The following KLF12 variants were observed in gnomAD, a reference collection of about 807,000 sequenced individuals.
The protein encoded by KLF12 is KLF transcription factor 12.
In KLF12, 9 loss-of-function variants were observed where a neutral mutation model predicts 37.8. That is an observed-to-expected ratio of 0.24 (90% CI 0.14 to 0.42). The LOEUF (loss-of-function observed/expected upper bound fraction) is 0.42. Among genes scored for constraint, KLF12 ranks in the 10% least tolerant of loss-of-function variants. The pLI, the probability that KLF12 is intolerant of heterozygous loss-of-function variation, is 1.00. For missense variants in KLF12, 411 were observed against 516.0 expected, an observed-to-expected ratio of 0.80 and a Z score of 1.97; for synonymous variants, 208 against 202.1, an observed-to-expected ratio of 1.03 and a Z score of -0.25.
chr13:74,006,317 C>T (rs536989211), intron 1 of KLF12, among the ~76,000 whole-genome samples: 3 of 152,256 alleles, frequency 2.0e-5, no homozygotes, highest in Non-Finnish European at 4.4e-5. Context: ...GATTCTCTCT[C>T]CCTACAGAGG....
the KLF12 span, among the ~76,000 whole-genome samples, chr13:74,248,179 G>T: frequency 0.033 from 4,953 of 152,216 alleles, 118 homozygotes; most frequent in Middle Eastern, 0.071. Flanking sequence ...TTGTACATCC[G>T]TTTGTCAGTT....
At chr13:74,062,320 T>A (rs911034879) in intron 1 of KLF12, among the ~76,000 whole-genome samples, 1 of 152,222 alleles carries the variant, frequency 6.6e-6, no homozygotes, top group African/African-American at 2.4e-5. Flanking sequence ...TTTGTCTCTA[T>A]TTGGTTGATG....
rs560305700 is a variant in KLF12 at position 73,871,032 on chromosome 13, T to C, written c.124-24659A>G. 3.3e-5 allele frequency among the ~76,000 whole-genome samples: 5 copies of C among 152,350 alleles called. No individual in the cohort carries two copies. In the East Asian group the frequency reaches 7.7e-4, roughly 23 times the overall value. ...GTTGCCTGTCATCCATTGCCACTGC[T>C]TTCTAATCATCTCCCTGAAGCATCA... On this transcript the variant is annotated intron_variant, in intron 3 of 7. Coordinates refer to ENST00000377669, the MANE Select transcript of KLF12 (RefSeq NM_007249.5).
At chr13:73,924,976 G>A (rs1221073619) in intron 3 of KLF12, among the ~76,000 whole-genome samples, 1 of 152,188 alleles carries the variant, frequency 6.6e-6, no homozygotes, top group Non-Finnish European at 1.5e-5. Flanking sequence ...CATTCTATGA[G>A]GCTGAGAGAG....
chr13:73,894,015 G>A (rs752561266), intron 3 of KLF12, among the ~76,000 whole-genome samples: 4 of 152,122 alleles, frequency 2.6e-5, no homozygotes, highest in Admixed American at 1.3e-4. Flanking sequence ...GCTGGCTAAC[G>A]AGCAAGTAAC....
At chr13:74,288,795 G>T in the KLF12 span, among the ~76,000 whole-genome samples, 5 of 152,170 alleles carry the variant, frequency 3.3e-5, no homozygotes, top group African/African-American at 1.2e-4. Flanking sequence ...TGGCAGGGTG[G>T]CGGCAGGGCC....
intron 6 of KLF12, among the ~76,000 whole-genome samples, chr13:73,732,308 G>A (rs1004440879): frequency 5.3e-5 from 8 of 151,510 alleles, no homozygotes; most frequent in Admixed American, 1.3e-4. Context: ...CATGCTGGTC[G>A]CAAACTCCTG....
At chr13:73,829,395 A>G (rs547426840) in intron 4 of KLF12, among the ~76,000 whole-genome samples, 10 of 152,310 alleles carry the variant, frequency 6.6e-5, no homozygotes, top group African/African-American at 2.2e-4. Flanking sequence ...TTAAATAATA[A>G]GGATATTTTT....
At chr13:74,103,420 G>C (rs185224024) in intron 1 of KLF12, among the ~76,000 whole-genome samples, 42 of 152,296 alleles carry the variant, frequency 2.8e-4, no homozygotes, top group African/African-American at 9.9e-4. Context: ...AATATCATCA[G>C]CAGTGCAGCA....
intron 5 of KLF12, among the ~76,000 whole-genome samples, chr13:73,811,735 A>G (rs903739575): frequency 6.6e-6 from 1 of 152,192 alleles, no homozygotes; most frequent in Non-Finnish European, 1.5e-5. Context: ...GGAAATTTGT[A>G]TCCAGATCTG....
chr13:73,769,959 T>G (rs80056382), intron 5 of KLF12, among the ~76,000 whole-genome samples: 5,653 of 152,300 alleles, frequency 0.037, 130 homozygotes, highest in Middle Eastern at 0.071. Flanking sequence ...AAGAAATTAT[T>G]ATGTACAAAT....
the KLF12 span, among the ~76,000 whole-genome samples, chr13:74,243,306 A>G: frequency 6.6e-6 from 1 of 152,104 alleles, no homozygotes; most frequent in African/African-American, 2.4e-5. Context: ...ATGGCTGCAT[A>G]GTATTCCATG....
At chr13:73,825,938 C>A (rs184317118) in intron 4 of KLF12, among the ~76,000 whole-genome samples, 1 of 152,144 alleles carries the variant, frequency 6.6e-6, no homozygotes, top group East Asian at 1.9e-4. Flanking sequence ...CACATTTAAG[C>A]TATCAAATAA....
chr13:73,814,692 G>C (rs1425677493), intron 4 of KLF12, among the ~76,000 whole-genome samples: 1 of 151,852 alleles, frequency 6.6e-6, no homozygotes, highest in Admixed American at 6.6e-5. Flanking sequence ...CTCAACCAAG[G>C]GCAAATTTGC....
the KLF12 span, among the ~76,000 whole-genome samples, chr13:74,288,699 G>A: frequency 1.3e-5 from 2 of 152,192 alleles, no homozygotes; most frequent in Non-Finnish European, 2.9e-5. Flanking sequence ...ACAGAGAGCT[G>A]TGCTAAAAGC....
At chr13:74,197,455 C>A in the KLF12 span, among the ~76,000 whole-genome samples, 2 of 114,222 alleles carry the variant, frequency 1.8e-5, no homozygotes, top group Non-Finnish European at 4.1e-5. Flanking sequence ...TACAAGCATA[C>A]ACACTCACTC....
intron 4 of KLF12, among the ~76,000 whole-genome samples, chr13:73,824,128 T>TA (rs554456997): frequency 3.6e-3 from 522 of 144,878 alleles, no homozygotes; most frequent in African/African-American, 0.011. Flanking sequence ...CACATCACAT[T>TA]AAAAAAAAAA....
chr13:73,800,328 C>G (rs768296678), intron 5 of KLF12: 1 of 152,054 alleles, frequency 6.6e-6, no homozygotes, highest in Non-Finnish European at 1.5e-5. Context: ...TAGGTCACTA[C>G]ATGAGTCTAG....
the KLF12 span, among the ~76,000 whole-genome samples, chr13:74,214,257 C>T: frequency 6.6e-6 from 1 of 152,144 alleles, no homozygotes; most frequent in African/African-American, 2.4e-5. Flanking sequence ...CCAGCCCACC[C>T]CTAGCCCTTG....
Sources: allele counts gnomAD v4.1 joint callset (sites outside exome capture counted in the v4.1 genomes callset), GRCh38; gene constraint gnomAD v4.1.1; transcripts MANE v1.5; gene names NCBI Gene and HGNC (gene_info 2026-07-23, HGNC 2026-07-21).